The following FMO3 variants were observed in gnomAD, a reference collection of about 807,000 sequenced individuals.
FMO3 encodes flavin-containing monooxygenase 3.
Under a neutral mutation model 39.4 loss-of-function variants are expected in FMO3, and 40 were observed. The ratio of observed to expected loss-of-function variants is 1.02; its 90% CI spans 0.79 to 1.32. The LOEUF (loss-of-function observed/expected upper bound fraction) is 1.32, where lower values mean the gene tolerates loss of function less well. Ranked by LOEUF, FMO3 falls within the 40% of genes most tolerant of loss-of-function variation. The probability of loss-of-function intolerance (pLI) is 0.00; values close to 1 mark genes in which losing one functional copy is unlikely to be tolerated. For missense variants in FMO3, 680 were observed against 651.8 expected (o/e 1.04, Z -0.47); for synonymous variants, 219 against 228.8 (o/e 0.96, Z 0.39).
At chr1:171,105,059 A>G (rs1655579667) in intron 3 of FMO3, among the ~76,000 whole-genome samples, 1 of 113,964 alleles carries the variant, frequency 8.8e-6, no homozygotes, top group South Asian at 2.9e-4. Flanking sequence ...AATTTTCTCA[A>G]TTTTTTAAAA....
intron 1 of FMO3, among the ~76,000 whole-genome samples, chr1:171,091,580 C>T (rs1341945393): frequency 1.6e-5 from 2 of 126,186 alleles, no homozygotes; most frequent in Non-Finnish European, 3.3e-5. Context: ...TAGGTAAGAA[C>T]ATGACTTCTT....
At chr1:171,093,671 A>G (rs549864959) in intron 2 of FMO3, among the ~76,000 whole-genome samples, 5 of 152,004 alleles carry the variant, frequency 3.3e-5, no homozygotes, top group Admixed American at 6.6e-5. Flanking sequence ...TTTTTTTTAT[A>G]TAATGACTTC....
intron 3 of FMO3, among the ~76,000 whole-genome samples, chr1:171,105,103 A>G (rs1270530655): frequency 2.0e-5 from 3 of 152,208 alleles, no homozygotes; most frequent in Non-Finnish European, 4.4e-5. Flanking sequence ...TAATAAGTAG[A>G]AAGCCTGAAT....
At chr1:171,095,583 G>A (rs984576171) in intron 2 of FMO3, among the ~76,000 whole-genome samples, 7 of 150,800 alleles carry the variant, frequency 4.6e-5, no homozygotes, top group African/African-American at 1.5e-4. Flanking sequence ...TCAATGAAAA[G>A]GTTGTATTTA....
chr1:171,094,111 G>A (rs1035776268), intron 2 of FMO3, among the ~76,000 whole-genome samples: 6 of 151,928 alleles, frequency 3.9e-5, no homozygotes, highest in Admixed American at 6.5e-5. Flanking sequence ...TTACCAGCAT[G>A]AGCCACTGCG....
intron 2 of FMO3, among the ~76,000 whole-genome samples, chr1:171,095,813 A>G (rs1473907731): frequency 1.7e-5 from 2 of 116,038 alleles, no homozygotes; most frequent in Non-Finnish European, 3.5e-5. Flanking sequence ...ATATATATTT[A>G]TATAACTATA....
chr1:171,099,655 AG>A (rs1316913889), intron 2 of FMO3: 1 of 151,954 alleles, frequency 6.6e-6, no homozygotes, highest in Non-Finnish European at 1.5e-5. Context: ...GGTGGAGAAA[AG>A]ATCCCAATTC....
At chr1:171,113,068 T>C (rs539403697) in intron 6 of FMO3, among the ~76,000 whole-genome samples, 1 of 152,204 alleles carries the variant, frequency 6.6e-6, no homozygotes, top group Non-Finnish European at 1.5e-5. Flanking sequence ...CTGATTCTGA[T>C]GGCCTTGACA....
At chr1:171,099,661 C>T (rs1655271372) in intron 2 of FMO3, 1 of 151,022 alleles carries the variant, frequency 6.6e-6, no homozygotes, top group South Asian at 2.1e-4. Context: ...GAAAAGATCC[C>T]AATTCAAGCT....
At chr1:171,102,893 TGTTA>T (rs1189184397) in intron 2 of FMO3, among the ~76,000 whole-genome samples, 5 of 152,212 alleles carry the variant, frequency 3.3e-5, no homozygotes, top group African/African-American at 1.2e-4. Flanking sequence ...GCTAAAACTT[TGTTA>T]CTTACATAAG....
intron 2 of FMO3, among the ~76,000 whole-genome samples, chr1:171,096,025 A>AT (rs1491256935): frequency 0.098 from 4,381 of 44,698 alleles, 373 homozygotes; most frequent in Non-Finnish European, 0.13. Flanking sequence ...ATTATATATT[A>AT]ATATATAATA....
At chr1:171,104,123 A>G in intron 3 of FMO3, 150 bp downstream of exon 3, 1 of 688,086 alleles carries the variant, frequency 1.5e-6, no homozygotes, top group Non-Finnish European at 2.5e-6. Context: ...TTAGAGAATT[A>G]CCTTCTTCTC....
chr1:171,117,339 C>A lies in FMO3; in HGVS notation c.1496C>A (p.Thr499Lys). 6.2e-7 allele frequency: 1 copy of A among 1,613,654 alleles called. No homozygotes were observed. The highest frequency in any genetic ancestry group is 1.1e-5 in the South Asian group (1 of 91,064). ...GACCGGTCGTTGAAACCCATGCAGA[C>A]ACGAGTGGTCGGGAGACTTCAGAAG... ...QWDRSLKPMQ[T>K]RVVGRLQKPC... The change falls in exon 9 of 9, where the codon ACA (threonine) becomes AAA (lysine). Residue 499 changes from threonine to lysine, a missense_variant. Transcript: ENST00000367755.
chr1:171,109,526 CTTTT>C (rs780479699), intron 5 of FMO3, among the ~76,000 whole-genome samples: 5 of 58,992 alleles, frequency 8.5e-5, no homozygotes, highest in African/African-American at 2.8e-4. Flanking sequence ...TTAGTCTCTT[CTTTT>C]TTTTTTTTTT....
chr1:171,093,132 T>G (rs1654794928), intron 2 of FMO3, among the ~76,000 whole-genome samples: 1 of 152,112 alleles, frequency 6.6e-6, no homozygotes, highest in South Asian at 2.1e-4. Context: ...ATCTTTTTTT[T>G]TTTTTACAGA....
chr1:171,103,043 C>G (rs1655477455), intron 2 of FMO3, among the ~76,000 whole-genome samples: 1 of 152,064 alleles, frequency 6.6e-6, no homozygotes, highest in Non-Finnish European at 1.5e-5. Context: ...CAAATCTGAT[C>G]AATAGTTGCA....
chr1:171,101,110 G>T, intron 2 of FMO3: 1 of 456,140 alleles, frequency 2.2e-6, no homozygotes, highest in Non-Finnish European at 4.4e-6. Flanking sequence ...TACAAGAGGG[G>T]TCTTGCCACT....
In FMO3 at chr1:171,102,663, G is replaced by A. The variant is rs182333686; in HGVS notation, c.133-1122G>A. On this transcript the variant is annotated intron_variant, in intron 2 of 8. Coordinates refer to ENST00000367755, the MANE Select transcript of FMO3 (RefSeq NM_001002294.3). ...ATTAAATCAAATTCTCTGAGAGTGG[G>A]ACCTAATGCTCAGTGTGTTTTTTAA... Among the ~76,000 whole-genome samples the A allele has an allele frequency of 2.0e-5, 3 of 152,272 alleles. No individual in the cohort carries two copies. The East Asian group carries it at 5.8e-4, about 29-fold the overall frequency.
At chr1:171,092,578 AAAAT>A in intron 1 of FMO3, 71 bp from the exon 2 acceptor site, 1 of 1,565,154 alleles carries the variant, frequency 6.4e-7, no homozygotes, top group Non-Finnish European at 8.8e-7. Context: ...GAGCGAAATC[AAAAT>A]AAATAGATAA....
Sources: gnomAD v4.1 joint callset for allele counts (sites outside exome capture counted in the v4.1 genomes callset) on GRCh38, gnomAD v4.1.1 for gene constraint, MANE v1.5 for transcripts, NCBI Gene and HGNC (gene_info 2026-07-23, HGNC 2026-07-21) for gene names.